CHRM3: variants seen among roughly 807,000 people sequenced by gnomAD.
CHRM3 encodes muscarinic acetylcholine receptor M3.
In CHRM3, 11 loss-of-function variants were observed where a neutral mutation model predicts 41.8. That is an observed-to-expected ratio of 0.26 (90% CI 0.17 to 0.44). The LOEUF is 0.44. Ranked by LOEUF, CHRM3 falls within the 20% of genes least tolerant of loss-of-function variation. The pLI is 1.00. For missense variants in CHRM3, 571 were observed against 745.4 expected (o/e 0.77, Z 2.72); for synonymous variants, 297 against 301.4 (o/e 0.99, Z 0.15).
intron 5 of CHRM3, among the ~76,000 whole-genome samples, chr1:239,688,072 C>T (rs1233947013): frequency 6.6e-6 from 1 of 151,726 alleles, no homozygotes; most frequent in Non-Finnish European, 1.5e-5. Flanking sequence ...AGGTAGTTGC[C>T]AGCCTGAAAA....
intron 6 of CHRM3, among the ~76,000 whole-genome samples, chr1:239,893,140 G>A (rs76281976): frequency 3.2e-4 from 48 of 152,258 alleles, no homozygotes; most frequent in African/African-American, 1.2e-3. Flanking sequence ...TCCTGGTGAG[G>A]ATTAAATGAA....
At chr1:239,682,961 A>G (rs1219977124) in intron 5 of CHRM3, among the ~76,000 whole-genome samples, 2 of 152,128 alleles carry the variant, frequency 1.3e-5, no homozygotes, top group African/African-American at 4.8e-5. Context: ...TTAGCATATC[A>G]TGTCACCTCA....
chr1:239,639,848 C>G (rs1168815656), intron 4 of CHRM3, among the ~76,000 whole-genome samples: 1 of 145,236 alleles, frequency 6.9e-6, no homozygotes, highest in Non-Finnish European at 1.5e-5. Context: ...TGCCAGTTTT[C>G]AAAGGGAATG....
chr1:239,840,425 T>A (rs1163923312), intron 6 of CHRM3, among the ~76,000 whole-genome samples: 1 of 152,226 alleles, frequency 6.6e-6, no homozygotes, highest in Non-Finnish European at 1.5e-5. Flanking sequence ...GCAATCTTGT[T>A]CTGCAATTCC....
chr1:239,566,464 A>G (rs560747047), intron 3 of CHRM3, among the ~76,000 whole-genome samples: 1 of 152,310 alleles, frequency 6.6e-6, no homozygotes, highest in South Asian at 2.1e-4. Flanking sequence ...ATGGAAAGGG[A>G]AAATGTTGTT....
At chr1:239,438,125 T>C (rs563520727) in intron 1 of CHRM3, among the ~76,000 whole-genome samples, 2 of 152,350 alleles carry the variant, frequency 1.3e-5, no homozygotes, top group Admixed American at 6.5e-5. Flanking sequence ...TAAAGTATAA[T>C]GAAACATGCT....
intron 1 of CHRM3, among the ~76,000 whole-genome samples, chr1:239,424,982 T>TGGGG (rs1662256827): frequency 6.6e-6 from 1 of 152,120 alleles, no homozygotes; most frequent in African/African-American, 2.4e-5. Context: ...GGGTAATGCA[T>TGGGG]GGGGGCACAG....
chr1:239,649,059 G>C (rs1672008879), intron 4 of CHRM3, among the ~76,000 whole-genome samples: 2 of 152,096 alleles, frequency 1.3e-5, no homozygotes, highest in South Asian at 2.1e-4. Context: ...TTGATTATAA[G>C]AGTAATACAG....
intron 1 of CHRM3, among the ~76,000 whole-genome samples, chr1:239,477,518 A>G (rs1198475638): frequency 1.3e-5 from 2 of 152,176 alleles, no homozygotes; most frequent in Non-Finnish European, 2.9e-5. Flanking sequence ...GCAGCAAGAG[A>G]AATGAATCTG....
At chr1:239,633,160 A>G (rs1029732198) in intron 4 of CHRM3, among the ~76,000 whole-genome samples, 1 of 152,092 alleles carries the variant, frequency 6.6e-6, no homozygotes, top group Non-Finnish European at 1.5e-5. Flanking sequence ...TTCAGTAGAG[A>G]TGGGGTTTCA....
intron 6 of CHRM3, among the ~76,000 whole-genome samples, chr1:239,881,570 G>A (rs917107561): frequency 3.9e-5 from 6 of 151,944 alleles, no homozygotes. Context: ...TAAATCAATC[G>A]GAAAAACATC....
At chr1:239,881,674 G>A (rs1677648404) in intron 6 of CHRM3, among the ~76,000 whole-genome samples, 1 of 152,126 alleles carries the variant, frequency 6.6e-6, no homozygotes, top group South Asian at 2.1e-4. Context: ...TATGCCCTTT[G>A]AATAACTATT....
intron 5 of CHRM3, among the ~76,000 whole-genome samples, chr1:239,754,376 G>A (rs1431667684): frequency 6.6e-6 from 1 of 152,146 alleles, no homozygotes; most frequent in Non-Finnish European, 1.5e-5. Context: ...GGTGGTGGTG[G>A]TTGTTTCCAT....
chr1:239,842,843 C>A (rs1156248819), intron 6 of CHRM3, among the ~76,000 whole-genome samples: 1 of 152,180 alleles, frequency 6.6e-6, no homozygotes. Flanking sequence ...GGCTTCCATT[C>A]CCATGGTCAC....
chr1:239,630,256 T>C (rs769805292), intron 3 of CHRM3, among the ~76,000 whole-genome samples: 3 of 152,240 alleles, frequency 2.0e-5, no homozygotes, highest in Admixed American at 6.5e-5. Flanking sequence ...ATGTATTTAC[T>C]TATTTAAAAT....
chr1:239,577,933 A>C (rs1397770295), intron 3 of CHRM3, among the ~76,000 whole-genome samples: 1 of 152,194 alleles, frequency 6.6e-6, no homozygotes, highest in Non-Finnish European at 1.5e-5. Context: ...CTATTTATGA[A>C]GGAAATGACA....
At chr1:239,736,961 T>A (rs1293882167) in intron 5 of CHRM3, among the ~76,000 whole-genome samples, 1 of 152,196 alleles carries the variant, frequency 6.6e-6, no homozygotes, top group African/African-American at 2.4e-5. Context: ...CACATTTATA[T>A]TTGTATAGAA....
At chr1:239,416,220 A>G (rs1426444833) in intron 1 of CHRM3, among the ~76,000 whole-genome samples, 1 of 152,192 alleles carries the variant, frequency 6.6e-6, no homozygotes, top group Non-Finnish European at 1.5e-5. Context: ...ACTTTTTATC[A>G]GGTTTGATCA....
chr1:239,848,669 T>C (rs950388997), intron 6 of CHRM3, among the ~76,000 whole-genome samples: 1 of 152,172 alleles, frequency 6.6e-6, no homozygotes, highest in Admixed American at 6.5e-5. Context: ...ATCCCTATGG[T>C]GTATTTCTCT....
Sources: gnomAD v4.1 joint callset for allele counts (sites outside exome capture counted in the v4.1 genomes callset) on GRCh38, gnomAD v4.1.1 for gene constraint, MANE v1.5 for transcripts, NCBI Gene and HGNC (gene_info 2026-07-23, HGNC 2026-07-21) for gene names.